Variants in PCLO observed in about 807,000 individuals in gnomAD.
PCLO encodes the protein piccolo presynaptic cytomatrix protein.
PCLO carries 82 observed loss-of-function variants against 427.5 expected under a neutral mutation model. That is an observed-to-expected ratio of 0.19 (90% confidence interval 0.16 to 0.23). PCLO has a LOEUF of 0.23. Among genes scored for constraint, PCLO ranks in the 10% least tolerant of loss-of-function variants. The pLI, the probability that PCLO is intolerant of heterozygous loss-of-function variation, is 1.00. For missense variants in PCLO, 6,239 were observed against 6,115.9 expected, an observed-to-expected ratio of 1.02 and a Z score of -0.67; for synonymous variants, 2,357 against 2,155.4, an observed-to-expected ratio of 1.09 and a Z score of -2.59.
chr7:82,900,338 A>T (rs1009129911), intron 9 of PCLO, among the ~76,000 whole-genome samples: 1 of 151,724 alleles, frequency 6.6e-6, no homozygotes, highest in African/African-American at 2.4e-5. Context: ...ATCAGTGCTT[A>T]AAAAAGAAAA....
rs1583940398 is a variant in PCLO at position 82,757,677 on chromosome 7, T to C, written c.*898A>G. On this transcript the variant is annotated 3_prime_UTR_variant, in exon 25 of 25. Coordinates refer to ENST00000333891, the MANE Select transcript of PCLO (RefSeq NM_033026.6). ...CAGTTTCACAAAGAGTAAGTTATCA[T>C]GCTTCCTAGAACATATCAGTTTACT... 6.6e-6 allele frequency: 1 copy of C among 151,970 alleles called. No homozygotes were observed. The highest frequency in any genetic ancestry group is 2.4e-5 in the African/African-American group (1 of 41,434). The allele number at this position is 151,970 out of a possible 1,614,324, so 9.4% of individuals were successfully genotyped here. A position where few individuals can be genotyped will look rare whatever the true frequency, so the allele number is the denominator to read the frequency against.
intron 2 of PCLO, among the ~76,000 whole-genome samples, chr7:83,143,057 TCTC>T (rs1791903299): frequency 1.3e-5 from 2 of 152,222 alleles, no homozygotes. Context: ...AAAAGGCTTT[TCTC>T]CTATTTCTCA....
intron 18 of PCLO, among the ~76,000 whole-genome samples, chr7:82,825,053 A>G (rs918445115): frequency 3.4e-4 from 52 of 152,228 alleles, no homozygotes; most frequent in African/African-American, 1.2e-3. Context: ...CAAAAGGGAC[A>G]AAATGGAAAA....
intron 3 of PCLO, among the ~76,000 whole-genome samples, chr7:83,029,342 A>G (rs368429594): frequency 6.6e-6 from 1 of 151,762 alleles, no homozygotes; most frequent in Non-Finnish European, 1.5e-5. Flanking sequence ...TTTATGCAGC[A>G]AAAAAACACA....
intron 3 of PCLO, among the ~76,000 whole-genome samples, chr7:83,107,962 C>T (rs1233797739): frequency 1.5e-5 from 2 of 132,354 alleles, no homozygotes; most frequent in East Asian, 2.1e-4. Flanking sequence ...GCACTCCAGC[C>T]AGGTGACAGA....
chr7:82,958,344 C>A (rs140366147), intron 4 of PCLO, among the ~76,000 whole-genome samples: 2 of 145,048 alleles, frequency 1.4e-5, no homozygotes, highest in Non-Finnish European at 1.5e-5. Flanking sequence ...CTTCCTTCCT[C>A]CCTTCTTCCT....
At chr7:83,081,982 C>T (rs780482134) in intron 3 of PCLO, among the ~76,000 whole-genome samples, 1 of 151,252 alleles carries the variant, frequency 6.6e-6, no homozygotes, top group Non-Finnish European at 1.5e-5. Context: ...TACCATTAAA[C>T]GGGAACAAGA....
intron 3 of PCLO, among the ~76,000 whole-genome samples, chr7:83,061,720 G>T (rs1187479743): frequency 6.6e-6 from 1 of 152,132 alleles, no homozygotes; most frequent in African/African-American, 2.4e-5. Context: ...CAGTTAAACT[G>T]TGAATTGTAT....
chr7:82,760,718 C>A lies in PCLO; in HGVS notation c.15209G>T (p.Arg5070Ile). 6.3e-7 allele frequency: 1 copy of A among 1,588,270 alleles called. No individual in the cohort carries two copies. The highest frequency in any genetic ancestry group is 8.6e-7 in the Non-Finnish European group (1 of 1,159,770). ...AGGCTCTCGATCATGTCTGCATACT[C>A]TTGTTTTTTTCTTGATCACCTTTTT... Reference protein sequence around the residue: ...TQKKVIKKKTRVCRHDREPSF... With the variant: ...TQKKVIKKKTIVCRHDREPSF... The change falls in exon 24 of 25, where the codon AGA (arginine) becomes ATA (isoleucine). Residue 5070 changes from arginine to isoleucine, a missense_variant. Coordinates refer to ENST00000333891, the MANE Select transcript of PCLO (RefSeq NM_033026.6).
At chr7:83,140,087 G>A (rs930931366) in intron 2 of PCLO, among the ~76,000 whole-genome samples, 2 of 152,184 alleles carry the variant, frequency 1.3e-5, no homozygotes, top group African/African-American at 4.8e-5. Context: ...TGTCAGTCAG[G>A]TCTTTCACAG....
At chr7:82,893,146 C>T (rs1332666774) in intron 9 of PCLO, among the ~76,000 whole-genome samples, 1 of 152,000 alleles carries the variant, frequency 6.6e-6, no homozygotes. Flanking sequence ...CGGCACTATT[C>T]ACAATAGCAA....
At chr7:82,777,277 T>G (rs558687040) in intron 22 of PCLO, among the ~76,000 whole-genome samples, 141 of 152,098 alleles carry the variant, frequency 9.3e-4, no homozygotes, top group Non-Finnish European at 1.5e-3. Flanking sequence ...TGGGAAAACA[T>G]CCCATGCTCA....
At chr7:82,992,214 T>C (rs1194504288) in intron 3 of PCLO, among the ~76,000 whole-genome samples, 1 of 152,108 alleles carries the variant, frequency 6.6e-6, no homozygotes, top group Non-Finnish European at 1.5e-5. Flanking sequence ...TCCTAGTATC[T>C]CTGGCCTTTG....
At chr7:82,932,440 T>C (rs1794860620) in intron 6 of PCLO, among the ~76,000 whole-genome samples, 1 of 152,118 alleles carries the variant, frequency 6.6e-6, no homozygotes, top group Non-Finnish European at 1.5e-5. Context: ...CGAATTAGGA[T>C]GGACTTGAAG....
intron 1 of PCLO, among the ~76,000 whole-genome samples, chr7:83,157,336 T>C (rs998016680): frequency 2.6e-5 from 4 of 152,338 alleles, no homozygotes; most frequent in South Asian, 2.1e-4. Context: ...GGAAGCATAA[T>C]AGATGCTTAA....
At chr7:83,132,440 G>A (rs1218428324) in intron 3 of PCLO, among the ~76,000 whole-genome samples, 2 of 152,012 alleles carry the variant, frequency 1.3e-5, no homozygotes, top group African/African-American at 4.8e-5. Flanking sequence ...GTAATTCTCT[G>A]CTTCATTCAA....
In PCLO at chr7:82,953,085, A is replaced by T; in HGVS notation, c.7868T>A (p.Val2623Asp). The T allele has an allele frequency of 1.9e-6, 3 of 1,613,946 alleles. No homozygotes were observed. The highest frequency in any genetic ancestry group is 2.5e-6 in the Non-Finnish European group (3 of 1,179,844). Residue 2623 changes from valine to aspartate, a missense_variant, in exon 5 of 25, where the codon GTT (valine) becomes GAT (aspartate). Around this residue, in one of 5 missense-constraint regions of PCLO, gnomAD observed 4,677 missense variants for 4,468.4 expected, o/e 1.05. Transcript: ENST00000333891. ...LVSVEPVFSV[V>D]PPVTAVEIPI... Reference sequence around the variant, plus strand: ...AATTTCTACAGCTGTCACAGGAGGAACTACAGAAAACACAGGTTCAACAGA... The same window carrying T: ...AATTTCTACAGCTGTCACAGGAGGATCTACAGAAAACACAGGTTCAACAGA...
chr7:82,820,063 A>G lies in PCLO; in HGVS notation c.14791+2432T>C, dbSNP rs1791757567. Among the ~76,000 whole-genome samples, 2 of 152,104 alleles carry G rather than the reference A, an allele frequency of 1.3e-5. 1 individual carries two copies. Among genetic ancestry groups the G allele is most frequent in the Non-Finnish European group, 2.9e-5 (2 of 68,016 alleles). ...TAGCAATGTTGGGGTCAGGTTACAG[A>G]TGGATGTAAATTTGCTTTCCTTTCT... On this transcript the variant is annotated intron_variant, in intron 20 of 24. Transcript: ENST00000333891.
intron 11 of PCLO, 34 bp from the exon 12 acceptor site, chr7:82,846,668 T>C (rs1172661535): frequency 2.2e-6 from 3 of 1,392,764 alleles, no homozygotes; most frequent in Non-Finnish European, 3.0e-6. Flanking sequence ...AGAAAGATAT[T>C]GAGGAAATCT....
Sources: allele counts gnomAD v4.1 joint callset (sites outside exome capture counted in the v4.1 genomes callset), GRCh38; gene constraint gnomAD v4.1.1; regional missense constraint gnomAD v4.1.1; transcripts MANE v1.5; gene names NCBI Gene and HGNC (gene_info 2026-07-23, HGNC 2026-07-21).